STAC3: variants seen among roughly 807,000 people sequenced by gnomAD.
STAC3 encodes the protein SH3 and cysteine rich domain 3.
STAC3 carries 30 observed loss-of-function variants against 48.5 expected under a neutral mutation model. The observed-to-expected ratio is 0.62, with a 90% CI of 0.46 to 0.84. The LOEUF (loss-of-function observed/expected upper bound fraction) is 0.84, where lower values mean the gene tolerates loss of function less well. Among genes scored for constraint, STAC3 ranks in the 40% least tolerant of loss-of-function variants. STAC3 has a pLI of 0.00. For missense variants in STAC3, 419 were observed against 462.6 expected (o/e 0.91, Z 0.86); for synonymous variants, 144 against 158.6 (o/e 0.91, Z 0.69).
At position 57,249,075 on chromosome 12, in the gene STAC3, TG is replaced by T; in HGVS notation, c.299del (p.Pro100GlnfsTer10). ...HKFKDHFFKKPKFCDVCARMI... is the reference protein window; with the variant it reads ...HKFKDHFFKKXKFCDVCARMI... ...TCCGGGCACAGACATCACAGAACTT[TG>T]GCTTCTTGAAGAAGTGATCTTTGAA... is the stretch of plus-strand genomic sequence containing the variant. On this transcript the variant is annotated frameshift_variant, in exon 3 of 12. Transcript: ENST00000332782. LOFTEE classifies it high-confidence loss of function. 1 of 1,607,974 alleles carries T rather than the reference TG, an allele frequency of 6.2e-7. No homozygotes were observed. Among genetic ancestry groups the T allele is most frequent in the Non-Finnish European group, 8.5e-7 (1 of 1,176,598 alleles).
rs947707017 is a variant in STAC3 at position 57,248,143 on chromosome 12, G to A, written c.488C>T (p.Ala163Val). The A allele has an allele frequency of 1.9e-6, 3 of 1,613,854 alleles. No individual in the cohort carries two copies. The highest frequency in any genetic ancestry group is 2.5e-6 in the Non-Finnish European group (3 of 1,179,862). ...GCACTTACAGAGATCTTTGACACAA[G>A]CGTACTGCTGGTTGCTGTAGAGTGG... ...SSPLYSNQQY[A>V]CVKDLSAANR... The change falls in exon 5 of 12, where the codon GCT becomes GTT. Residue 163 changes from alanine to valine, a missense_variant. Coordinates refer to ENST00000332782, the MANE Select transcript of STAC3 (RefSeq NM_145064.3).
At position 57,246,960 on chromosome 12, in the gene STAC3, AAAGG is replaced by A. The variant is rs1270228069; in HGVS notation, c.506-63_506-60del. On this transcript the variant is annotated intron_variant, in intron 5 of 11. Coordinates refer to ENST00000332782, the MANE Select transcript of STAC3 (RefSeq NM_145064.3). ...GGGAAGGCAGAGAAAGGCTTGGAGG[AAAGG>A]AAGGGAGAGGTGGGATTGAGTAGAT... 1.6e-5 allele frequency: 24 copies of A among 1,538,846 alleles called. No homozygotes were observed. In the Admixed American group the frequency reaches 1.8e-4, roughly 12 times the overall value.
chr12:57,249,589 T>A lies in STAC3; in HGVS notation c.48A>T (p.Ala16=). ...GACTCACCCCACTTTGCCGAGTCTC[T>A]GCTGGGAAGGAGGGCTTAGGGGACT... ...VLESPKPSFP[A]ETRQSGLQRL... Residue 16 remains alanine (A), a synonymous_variant, in exon 2 of 12, where the codon GCA becomes GCT. Coordinates refer to ENST00000332782, the MANE Select transcript of STAC3 (RefSeq NM_145064.3). 1 of 1,614,134 alleles carries A rather than the reference T, an allele frequency of 6.2e-7. No homozygotes were observed. Among genetic ancestry groups the A allele is most frequent in the Non-Finnish European group, 8.5e-7 (1 of 1,180,020 alleles).
In STAC3 at chr12:57,243,645, G is replaced by A. The variant is rs2037655378; in HGVS notation, c.*167C>T. On this transcript the variant is annotated 3_prime_UTR_variant, in exon 12 of 12. Transcript: ENST00000332782. ...GCAGGTATCCGAGGCCCCAGGCTGG[G>A]GAAGGGGGCGAGAACCAGTCCCTTC... The A allele has an allele frequency of 2.7e-6, 2 of 734,522 alleles. No homozygotes were observed. Among genetic ancestry groups the A allele is most frequent in the Non-Finnish European group, 4.9e-6 (2 of 411,602 alleles). The allele number at this position is 734,522 out of a possible 1,614,324, so 45.5% of individuals were successfully genotyped here. A position where few individuals can be genotyped will look rare whatever the true frequency, so the allele number is the denominator to read the frequency against.
Position 57,246,914 on chromosome 12 carries a change from G to A in STAC3, c.506-13C>T. 6.2e-7 allele frequency: 1 copy of A among 1,611,726 alleles called. No individual in the cohort carries two copies. The highest frequency in any genetic ancestry group is 8.5e-7 in the Non-Finnish European group (1 of 1,178,228). On this transcript the variant is annotated splice_polypyrimidine_tract_variant and intron_variant, in intron 5 of 11. Transcript: ENST00000332782. ...CGATTGGCAGCAGCTAATCGAATGG[G>A]AGGAGAAAGAAGACATTATTGGGAA...
At chr12:57,247,718 C>T (rs765561200) in intron 5 of STAC3, among the ~76,000 whole-genome samples, 2 of 152,082 alleles carry the variant, frequency 1.3e-5, no homozygotes, top group African/African-American at 2.4e-5. Context: ...CCACCGCGCC[C>T]GGCCTGGGTT....
intron 6 of STAC3, 100 bp downstream of exon 6, chr12:57,246,704 G>A: frequency 5.2e-6 from 6 of 1,157,424 alleles, no homozygotes; most frequent in Middle Eastern, 2.0e-4. Flanking sequence ...TGCAATTTTA[G>A]GGGAAGACAA....
chr12:57,248,667 G>T (rs746339216), intron 4 of STAC3, 39 bp downstream of exon 4: 5 of 1,533,732 alleles, frequency 3.3e-6, no homozygotes, highest in Non-Finnish European at 4.5e-6. Context: ...GCCACCACGC[G>T]TGGCCATGTC....
intron 6 of STAC3, among the ~76,000 whole-genome samples, 181 bp from the exon 7 acceptor site, chr12:57,245,392 A>ATTTT (rs2037713133): frequency 7.1e-6 from 1 of 140,454 alleles, no homozygotes. Context: ...TTTTTTTTTG[A>ATTTT]GACGGGTCTC....
At position 57,251,156 on chromosome 12, in the gene STAC3, T is replaced by TA. The variant is rs1161059352; in HGVS notation, c.-166dup. The TA allele has an allele frequency of 1.5e-5, 7 of 452,982 alleles. No individual in the cohort carries two copies. The highest frequency in any genetic ancestry group is 1.4e-4 in the African/African-American group (7 of 49,604). The allele number at this position is 452,982 out of a possible 1,614,324, so 28.1% of individuals were successfully genotyped here. On this transcript the variant is annotated 5_prime_UTR_variant, in exon 1 of 12. Coordinates refer to ENST00000332782, the MANE Select transcript of STAC3 (RefSeq NM_145064.3). ...ACCCAGTCGCTATTTGTAGACCTCC[T>TA]AGCCTCCTGCCTTGGTGTCAGGGCT...
intron 4 of STAC3, 91 bp downstream of exon 4, chr12:57,248,615 C>A: frequency 1.0e-6 from 1 of 981,214 alleles, no homozygotes; most frequent in South Asian, 1.3e-5. Flanking sequence ...CCTCGTGATC[C>A]GCCCACCTCA....
rs1457752999 is a variant in STAC3 at position 57,251,020 on chromosome 12, G to A, written c.-29C>T. The A allele has an allele frequency of 2.6e-6, 1 of 386,572 alleles. No homozygotes were observed. Among genetic ancestry groups the A allele is most frequent in the Admixed American group, 2.9e-5 (1 of 33,904 alleles). The allele number at this position is 386,572 out of a possible 1,614,324, so 23.9% of individuals were successfully genotyped here. On this transcript the variant is annotated 5_prime_UTR_variant, in exon 1 of 12. Coordinates refer to ENST00000332782, the MANE Select transcript of STAC3 (RefSeq NM_145064.3). ...TCGGGATTCCCTAAGTCAGTCCACA[G>A]GCTGTAGAGGGAGCTGGGAGCCTCG...
intron 1 of STAC3, chr12:57,249,862 C>A (rs1049436997): frequency 6.5e-6 from 3 of 459,922 alleles, no homozygotes; most frequent in Middle Eastern, 5.8e-4. Context: ...CTGAAGCGAT[C>A]CCCCTACCTC....
intron 4 of STAC3, 80 bp from the exon 5 acceptor site, chr12:57,248,278 T>TGAAGGAG: frequency 8.5e-7 from 1 of 1,169,860 alleles, no homozygotes; most frequent in Admixed American, 1.7e-5. Flanking sequence ...GTGCTCACCC[T>TGAAGGAG]TTCTCAGAAA....
At chr12:57,248,021 G>A in intron 5 of STAC3, 105 bp downstream of exon 5, 1 of 1,026,034 alleles carries the variant, frequency 9.7e-7, no homozygotes, top group Non-Finnish European at 1.5e-6. Flanking sequence ...GAGAATTATG[G>A]GAAACAGAAA....
chr12:57,249,150 C>A lies in STAC3; in HGVS notation c.225G>T (p.Glu75Asp). 1 of 1,613,862 alleles carries A rather than the reference C, an allele frequency of 6.2e-7. No individual in the cohort carries two copies. Residue 75 changes from glutamate (E) to aspartate (D), a missense_variant, in exon 3 of 12, where the codon GAG becomes GAT. Physicochemically the swap from Glu to Asp is conservative, Grantham distance 45. Coordinates refer to ENST00000332782, the MANE Select transcript of STAC3 (RefSeq NM_145064.3). ...GCTTAGGAGGTTCTGGGGGTGGCTC[C>A]TCCTCCTCCTCTTCTTCCTCTTCCT... ...EEEEEEEEEE[E>D]EPPPEPPKLV...
chr12:57,246,778 A>G (rs766630635), intron 6 of STAC3, 26 bp downstream of exon 6: 1 of 1,595,876 alleles, frequency 6.3e-7, no homozygotes, highest in Admixed American at 1.7e-5. Context: ...TCTGGGAGGG[A>G]CCTCGTGGGG....
rs928404576 is a variant in STAC3, at chr12:57,243,830, G to A, written c.1077C>T (p.Asp359=). 4 of 1,614,086 alleles carry A rather than the reference G, an allele frequency of 2.5e-6. No individual in the cohort carries two copies. The highest frequency in any genetic ancestry group is 3.4e-6 in the Non-Finnish European group (4 of 1,180,016). ...TGRKVGLFPT[D]FLEEI The stretch of plus-strand genomic sequence containing the variant: ...CGCACGCCTAAATTTCCTCTAGAAA[G>A]TCGGTGGGAAACAGCCCCACCTTGC... The change falls in exon 12 of 12, where the codon GAC becomes GAT. Residue 359 remains aspartate, a synonymous_variant. Coordinates refer to ENST00000332782, the MANE Select transcript of STAC3 (RefSeq NM_145064.3).
chr12:57,244,810 G>A, intron 8 of STAC3, 106 bp downstream of exon 8: 1 of 1,442,222 alleles, frequency 6.9e-7, no homozygotes, highest in South Asian at 1.2e-5. Context: ...GAAGTGATGG[G>A]AAGCCTAGGA....
Sources: gnomAD v4.1 joint callset for allele counts (sites outside exome capture counted in the v4.1 genomes callset) on GRCh38, gnomAD v4.1.1 for gene constraint, MANE v1.5 for transcripts, NCBI Gene and HGNC (gene_info 2026-07-23, HGNC 2026-07-21) for gene names.